Variants in GALNT13 observed in about 807,000 individuals in gnomAD.
The protein encoded by GALNT13 is UDP-GalNAc:polypeptide N-acetylgalactosaminyltransferase 13.
Under a neutral mutation model 64.2 loss-of-function variants are expected in GALNT13, and 28 were observed. The ratio of observed to expected loss-of-function variants is 0.44; its 90% CI spans 0.32 to 0.60. The LOEUF (loss-of-function observed/expected upper bound fraction) is 0.60. GALNT13 is among the 20% of genes least tolerant of loss of function. The probability of loss-of-function intolerance (pLI) is 0.05; values close to 1 mark genes in which losing one functional copy is unlikely to be tolerated. For missense variants in GALNT13, 577 were observed against 669.8 expected, an observed-to-expected ratio of 0.86 and a Z score of 1.53; for synonymous variants, 214 against 224.6, an observed-to-expected ratio of 0.95 and a Z score of 0.42.
At chr2:154,141,996 A>G (rs1326973644) in intron 4 of GALNT13, among the ~76,000 whole-genome samples, 1 of 152,212 alleles carries the variant, frequency 6.6e-6, no homozygotes, top group Non-Finnish European at 1.5e-5. Flanking sequence ...TCCTCGTAAA[A>G]CAAACTCTTG....
At position 154,041,351 on chromosome 2, in the gene GALNT13, T is replaced by C. The variant is rs544590629; in HGVS notation, c.142+96712T>C. Among the ~76,000 whole-genome samples the C allele has an allele frequency of 3.5e-5, 5 of 140,890 alleles. No individual in the cohort carries two copies. The East Asian group carries it at 9.9e-4, about 28-fold the overall frequency. The allele number at this position is 140,890 out of a possible 152,430, so 92.4% of individuals were successfully genotyped here. On this transcript the variant is annotated intron_variant, in intron 3 of 12. Transcript: ENST00000392825. ...CTTTGATTCTGAGAAATCTGGCCTT[T>C]ATTTTTTAGAGAGAGAAAATCTCTT...
the GALNT13 span, among the ~76,000 whole-genome samples, chr2:153,708,883 G>A: frequency 1.3e-5 from 2 of 152,150 alleles, no homozygotes; most frequent in Admixed American, 6.5e-5. Flanking sequence ...TGCCAAAGGG[G>A]AAAGGACAAT....
the GALNT13 span, among the ~76,000 whole-genome samples, chr2:153,494,897 T>C: frequency 2.6e-5 from 4 of 151,974 alleles, no homozygotes; most frequent in African/African-American, 9.7e-5. Context: ...AGAGACCTAA[T>C]AAAAATGAAC....
chr2:154,117,085 G>A (rs770725978), intron 3 of GALNT13, among the ~76,000 whole-genome samples: 1 of 152,082 alleles, frequency 6.6e-6, no homozygotes, highest in Non-Finnish European at 1.5e-5. Flanking sequence ...GGCTAGGCCA[G>A]TTTATTCTTT....
chr2:153,936,680 G>A (rs531742883), intron 2 of GALNT13, among the ~76,000 whole-genome samples: 1 of 152,112 alleles, frequency 6.6e-6, no homozygotes, highest in African/African-American at 2.4e-5. Flanking sequence ...GATAGAAGCT[G>A]TTGATCAATA....
At chr2:153,558,475 C>T in the GALNT13 span, among the ~76,000 whole-genome samples, 2 of 152,282 alleles carry the variant, frequency 1.3e-5, no homozygotes, top group East Asian at 3.9e-4. Flanking sequence ...GCGATGGCAT[C>T]ATAAATCTCT....
the GALNT13 span, among the ~76,000 whole-genome samples, chr2:153,284,982 T>G: frequency 6.6e-6 from 1 of 151,408 alleles, no homozygotes; most frequent in East Asian, 1.9e-4. Context: ...TATGTTGTAT[T>G]AGTCTGTTCT....
At chr2:154,303,956 C>T (rs188259379) in intron 9 of GALNT13, among the ~76,000 whole-genome samples, 383 of 152,200 alleles carry the variant, frequency 2.5e-3, no homozygotes, top group Non-Finnish European at 2.8e-3. Flanking sequence ...CGGAGTTTCA[C>T]CATGTTGGCC....
intron 9 of GALNT13, among the ~76,000 whole-genome samples, chr2:154,304,444 A>G (rs79476706): frequency 6.6e-6 from 1 of 152,212 alleles, no homozygotes; most frequent in African/African-American, 2.4e-5. Context: ...GTAATGGAGG[A>G]AAAAAGTGTG....
the GALNT13 span, among the ~76,000 whole-genome samples, chr2:153,131,269 A>C: frequency 6.6e-6 from 1 of 152,220 alleles, no homozygotes; most frequent in Non-Finnish European, 1.5e-5. Context: ...CCTTTGGACA[A>C]GATACATTTT....
the GALNT13 span, among the ~76,000 whole-genome samples, chr2:153,459,830 C>T: frequency 6.6e-6 from 1 of 152,034 alleles, no homozygotes; most frequent in Non-Finnish European, 1.5e-5. Flanking sequence ...CCACTAAAGC[C>T]ACATTGTGTA....
chr2:153,427,105 A>C, the GALNT13 span, among the ~76,000 whole-genome samples: 3 of 152,170 alleles, frequency 2.0e-5, no homozygotes, highest in Admixed American at 6.6e-5. Context: ...ATTCATTTGG[A>C]AATGTATTTG....
At chr2:153,367,137 A>G in the GALNT13 span, among the ~76,000 whole-genome samples, 2 of 152,150 alleles carry the variant, frequency 1.3e-5, no homozygotes, top group Admixed American at 1.3e-4. Context: ...TTAATGCAGT[A>G]TATGAAATAA....
chr2:153,277,923 CTTT>C, the GALNT13 span, among the ~76,000 whole-genome samples: 1 of 78,954 alleles, frequency 1.3e-5, no homozygotes, highest in Non-Finnish European at 2.3e-5. Flanking sequence ...GTTTTCTTTT[CTTT>C]CTTTTTTTTT....
chr2:153,593,523 A>G, the GALNT13 span, among the ~76,000 whole-genome samples: 2 of 152,134 alleles, frequency 1.3e-5, no homozygotes, highest in African/African-American at 4.8e-5. Flanking sequence ...AAGGGCAACA[A>G]TCTTAATAAT....
chr2:153,998,224 C>T (rs1375426760), intron 3 of GALNT13, among the ~76,000 whole-genome samples: 1 of 152,128 alleles, frequency 6.6e-6, no homozygotes, highest in African/African-American at 2.4e-5. Flanking sequence ...GCCACACTGT[C>T]TTCCACAATG....
At chr2:153,933,688 G>T (rs920256984) in intron 2 of GALNT13, among the ~76,000 whole-genome samples, 1 of 152,044 alleles carries the variant, frequency 6.6e-6, no homozygotes, top group Non-Finnish European at 1.5e-5. Context: ...GCGTCAGTGG[G>T]CTATTTATTT....
chr2:153,533,723 C>CTTTTTTTTTTTTTTTTTTTTTTTTTT, the GALNT13 span, among the ~76,000 whole-genome samples: 669 of 48,670 alleles, frequency 0.014, 188 homozygotes, highest in Non-Finnish European at 0.017. Flanking sequence ...TGAGGTTTTT[C>CTTTTTTTTTTTTTTTTTTTTTTTTTT]TTTTTTTTTT....
At chr2:153,805,293 T>C in the GALNT13 span, among the ~76,000 whole-genome samples, 4 of 152,074 alleles carry the variant, frequency 2.6e-5, no homozygotes, top group African/African-American at 9.7e-5. Context: ...AAAAGAATTA[T>C]ATTTTCATCA....
Sources: gnomAD v4.1 joint callset for allele counts (sites outside exome capture counted in the v4.1 genomes callset) on GRCh38, gnomAD v4.1.1 for gene constraint, MANE v1.5 for transcripts, NCBI Gene and HGNC (gene_info 2026-07-23, HGNC 2026-07-21) for gene names.